The following KLRG1 variants were observed in gnomAD, a reference collection of about 807,000 sequenced individuals.
KLRG1 encodes the protein killer cell lectin-like receptor subfamily G member 1.
KLRG1 carries 16 observed loss-of-function variants against 21.8 expected under a neutral mutation model. The observed-to-expected ratio is 0.73, with a 90% CI of 0.50 to 1.11. The LOEUF is 1.11. Among genes scored for constraint, KLRG1 ranks in the 50% most tolerant of loss-of-function variants. The pLI is 0.00. For missense variants in KLRG1, 173 were observed against 218.3 expected (o/e 0.79, Z 1.31); for synonymous variants, 69 against 75.9 (o/e 0.91, Z 0.47).
At chr12:9,160,644 G>A in the KLRG1 span, among the ~76,000 whole-genome samples, 7 of 152,198 alleles carry the variant, frequency 4.6e-5, no homozygotes, top group African/African-American at 1.7e-4. Context: ...AATAAGAATA[G>A]CAGCTATCGC....
At chr12:9,129,597 G>A in the KLRG1 span, among the ~76,000 whole-genome samples, 1 of 151,728 alleles carries the variant, frequency 6.6e-6, no homozygotes, top group Non-Finnish European at 1.5e-5. Flanking sequence ...TTCCCGAGAC[G>A]GAGTTTCACT....
At chr12:9,211,327 T>A in the KLRG1 span, among the ~76,000 whole-genome samples, 1 of 152,102 alleles carries the variant, frequency 6.6e-6, no homozygotes, top group Admixed American at 6.6e-5. Flanking sequence ...TAATTAACTA[T>A]TTACATGACC....
At chr12:9,195,007 A>G in the KLRG1 span, among the ~76,000 whole-genome samples, 1 of 152,178 alleles carries the variant, frequency 6.6e-6, no homozygotes, top group Non-Finnish European at 1.5e-5. Context: ...AGATTAAATA[A>G]TTATTTAAAA....
At chr12:9,117,317 G>A in the KLRG1 span, among the ~76,000 whole-genome samples, 1 of 152,188 alleles carries the variant, frequency 6.6e-6, no homozygotes, top group Admixed American at 6.5e-5. Flanking sequence ...TGAAAGGGCA[G>A]CTAGAAAGAG....
At chr12:8,955,129 C>T (rs1946268086) in intron 1 of KLRG1, among the ~76,000 whole-genome samples, 1 of 152,084 alleles carries the variant, frequency 6.6e-6, no homozygotes, top group African/African-American at 2.4e-5. Context: ...GTTGGCCAGG[C>T]TGGTCTCGAA....
At chr12:9,069,655 G>C in the KLRG1 span, 2 of 879,938 alleles carry the variant, frequency 2.3e-6, no homozygotes, top group East Asian at 2.5e-5. Context: ...GCATGGAAGT[G>C]ATGTTTCTAA....
At chr12:9,074,663 G>A in the KLRG1 span, 33 of 1,613,986 alleles carry the variant, frequency 2.0e-5, no homozygotes, top group South Asian at 2.0e-4. Context: ...TGGCTGGGCC[G>A]TGAGATAAGC....
chr12:9,056,778 T>A, the KLRG1 span, among the ~76,000 whole-genome samples: 2 of 152,116 alleles, frequency 1.3e-5, no homozygotes, highest in East Asian at 3.9e-4. Flanking sequence ...GTCTCAAACT[T>A]CTAGCTTTAA....
At chr12:9,107,425 C>A in the KLRG1 span, 1 of 1,414,114 alleles carries the variant, frequency 7.1e-7, no homozygotes, top group Non-Finnish European at 9.6e-7. Flanking sequence ...GAATTCTCTT[C>A]TAGATTGTTC....
chr12:9,051,637 A>G, the KLRG1 span, among the ~76,000 whole-genome samples: 1 of 152,216 alleles, frequency 6.6e-6, no homozygotes, highest in Admixed American at 6.5e-5. Context: ...ACTTGTCTGC[A>G]TACGGGAAAA....
chr12:9,121,549 A>G, the KLRG1 span, among the ~76,000 whole-genome samples: 1 of 152,226 alleles, frequency 6.6e-6, no homozygotes, highest in African/African-American at 2.4e-5. This position sits in a 1 kb window ranked among gnomAD's most constrained non-coding sequence, Gnocchi z 4.4. Context: ...CGAAACAAAC[A>G]AACAAAAAAA....
chr12:9,068,266 T>C, the KLRG1 span: 2 of 1,588,188 alleles, frequency 1.3e-6, no homozygotes, highest in South Asian at 1.1e-5. Flanking sequence ...AATCATTACA[T>C]GAAGTGAGAA....
the KLRG1 span, chr12:9,098,629 T>A: frequency 2.5e-6 from 4 of 1,607,034 alleles, no homozygotes; most frequent in Non-Finnish European, 3.4e-6. Context: ...GAGCTCAGCA[T>A]CAGGCTTCAT....
chr12:9,003,181 G>A (rs1312913017), intron 3 of KLRG1, among the ~76,000 whole-genome samples: 1 of 152,094 alleles, frequency 6.6e-6, no homozygotes, highest in Non-Finnish European at 1.5e-5. Context: ...TCCTAGCTCT[G>A]CAGATTCTAA....
At chr12:9,145,039 T>C in the KLRG1 span, among the ~76,000 whole-genome samples, 1 of 152,226 alleles carries the variant, frequency 6.6e-6, no homozygotes, top group Non-Finnish European at 1.5e-5. Flanking sequence ...TTTTCATCCC[T>C]TCACTTTCAG....
the KLRG1 span, chr12:9,098,578 C>A: frequency 6.3e-7 from 1 of 1,575,876 alleles, no homozygotes; most frequent in Non-Finnish European, 8.6e-7. Flanking sequence ...CACGGCCCTT[C>A]TTGATTCCTG....
At chr12:9,159,923 G>A in the KLRG1 span, 7 of 1,593,008 alleles carry the variant, frequency 4.4e-6, no homozygotes, top group Non-Finnish European at 6.0e-6. Flanking sequence ...ACTCAGAATA[G>A]ATTTTCTTTC....
At chr12:9,180,926 C>G in the KLRG1 span, 10 of 1,554,902 alleles carry the variant, frequency 6.4e-6, no homozygotes, top group African/African-American at 1.2e-4. Flanking sequence ...ATAGAGGCTT[C>G]TTGATCTGAG....
the KLRG1 span, among the ~76,000 whole-genome samples, chr12:9,199,752 G>A: frequency 6.6e-6 from 1 of 152,096 alleles, no homozygotes; most frequent in African/African-American, 2.4e-5. Context: ...TGTAGAGGAG[G>A]AAATGGGACA....
Sources: gnomAD v4.1 joint callset for allele counts (sites outside exome capture counted in the v4.1 genomes callset) on GRCh38, gnomAD v4.1.1 for gene constraint, Gnocchi (gnomAD v3.1) non-coding constraint, MANE v1.5 for transcripts, NCBI Gene and HGNC (gene_info 2026-07-23, HGNC 2026-07-21) for gene names.